NAV2: variants seen among roughly 807,000 people sequenced by gnomAD.
The protein encoded by NAV2 is helicase, APC down-regulated 1.
NAV2 carries 54 observed loss-of-function variants against 223.2 expected under a neutral mutation model. The ratio of observed to expected loss-of-function variants is 0.24; its 90% CI spans 0.19 to 0.30. The LOEUF (loss-of-function observed/expected upper bound fraction) is 0.30, where lower values mean the gene tolerates loss of function less well. Ranked by LOEUF, NAV2 falls within the 10% of genes least tolerant of loss-of-function variation. The probability of loss-of-function intolerance (pLI) is 1.00; values close to 1 mark genes in which losing one functional copy is unlikely to be tolerated. For missense variants in NAV2, 2,806 were observed against 3,147.5 expected (o/e 0.89, Z 2.60); for synonymous variants, 1,279 against 1,239.3 (o/e 1.03, Z -0.67).
upstream of NAV2, among the ~76,000 whole-genome samples, chr11:19,710,465 G>A (rs1338895474): frequency 6.6e-6 from 1 of 152,216 alleles, no homozygotes; most frequent in Non-Finnish European, 1.5e-5. Context: ...ATTCATTAGG[G>A]CAGAATATCT....
chr11:20,092,432 G>A (rs2060915853), intron 28 of NAV2, 64 bp downstream of exon 28: 17 of 1,525,392 alleles, frequency 1.1e-5, no homozygotes, highest in South Asian at 3.6e-5. Context: ...ATCTCTAAGC[G>A]AGAACCCCAA....
intron 1 of NAV2, among the ~76,000 whole-genome samples, chr11:19,732,874 T>C (rs1356136178): frequency 1.3e-5 from 2 of 152,266 alleles, no homozygotes; most frequent in East Asian, 3.8e-4. Flanking sequence ...ACACCAACTA[T>C]TCTTCCTTTG....
chr11:20,094,191 A>T (rs1029172063), intron 29 of NAV2, among the ~76,000 whole-genome samples: 1 of 146,106 alleles, frequency 6.8e-6, no homozygotes, highest in Admixed American at 6.8e-5. Flanking sequence ...ATGGACTGTT[A>T]GGGGAAACTC....
At chr11:20,070,433 C>G (rs1033681171) in intron 22 of NAV2, among the ~76,000 whole-genome samples, 1 of 152,170 alleles carries the variant, frequency 6.6e-6, no homozygotes, top group African/African-American at 2.4e-5. Flanking sequence ...CCAGTGACCT[C>G]GTGCTGCCAC....
intron 1 of NAV2, among the ~76,000 whole-genome samples, chr11:19,527,875 C>G (rs960205466): frequency 6.6e-6 from 1 of 151,672 alleles, no homozygotes; most frequent in Non-Finnish European, 1.5e-5. Flanking sequence ...TACAGACCTC[C>G]CTGCCACTTC....
intron 3 of NAV2, among the ~76,000 whole-genome samples, chr11:19,845,303 T>C (rs1351517689): frequency 1.3e-5 from 2 of 152,204 alleles, no homozygotes; most frequent in Non-Finnish European, 2.9e-5. Context: ...TGGCCAATAA[T>C]AAACATTTGT....
At chr11:20,101,779 C>T (rs2061660564) in intron 32 of NAV2, among the ~76,000 whole-genome samples, 1 of 152,174 alleles carries the variant, frequency 6.6e-6, no homozygotes, top group Admixed American at 6.5e-5. Flanking sequence ...CGGTGAGCAA[C>T]GGAAACCTGT....
At position 19,868,982 on chromosome 11, in the gene NAV2, G is replaced by C. The variant is rs1291993838; in HGVS notation, c.496G>C (p.Gly166Arg). 11 of 1,613,768 alleles carry C rather than the reference G, an allele frequency of 6.8e-6. No homozygotes were observed. In the Admixed American group the frequency reaches 1.8e-4, roughly 27 times the overall value. The change falls in exon 4 of 38, where the codon GGG becomes CGG. Residue 166 changes from glycine to arginine, a missense_variant. Gly to Arg is a moderately radical substitution (Grantham distance 125). Coordinates refer to ENST00000349880, the MANE Select transcript of NAV2 (RefSeq NM_145117.5). The part of the protein sequence containing the change: ...FLAAKGINIQ[G>R]LSAEEIRNGN... Reference sequence around the variant, plus strand: ...GGCAGCTAAGGGAATAAACATCCAGGGGCTGTCTGCAGAAGGTGAGTCAGA... The same window carrying C: ...GGCAGCTAAGGGAATAAACATCCAGCGGCTGTCTGCAGAAGGTGAGTCAGA...
At chr11:19,390,699 G>C (rs1849213967) in intron 1 of NAV2, among the ~76,000 whole-genome samples, 1 of 152,158 alleles carries the variant, frequency 6.6e-6, no homozygotes, top group Non-Finnish European at 1.5e-5. Context: ...AAGTGGTGAA[G>C]GGGAGGGGAG....
At chr11:19,355,702 G>C (rs1343049691) in intron 1 of NAV2, among the ~76,000 whole-genome samples, 1 of 152,114 alleles carries the variant, frequency 6.6e-6, no homozygotes, top group African/African-American at 2.4e-5. Flanking sequence ...TGGCTCCCTT[G>C]TTTCCATTTC....
chr11:19,600,407 A>T (rs949047774), intron 1 of NAV2, among the ~76,000 whole-genome samples: 19 of 152,338 alleles, frequency 1.2e-4, no homozygotes, highest in African/African-American at 4.6e-4. Context: ...AAAGCAACCA[A>T]CTGCTCTAAC....
In NAV2 at chr11:19,586,265, T is replaced by C. The variant is rs899260844; in HGVS notation, c.75+235238T>C. Among the ~76,000 whole-genome samples the C allele has an allele frequency of 8.9e-4, 135 of 152,176 alleles. 1 individual carries two copies. The highest frequency in any genetic ancestry group is 1.2e-4 in the Non-Finnish European group (8 of 68,028). ...AAGGACTTTTCTGCATTGGTTATTC[T>C]AGTTAGCCATTTTTCTAATTTTTTT... On this transcript the variant is annotated intron_variant, in intron 1 of 37. Transcript: ENST00000360655.
At chr11:20,000,236 A>G (rs1369195974) in intron 11 of NAV2, among the ~76,000 whole-genome samples, 1 of 152,250 alleles carries the variant, frequency 6.6e-6, no homozygotes, top group Non-Finnish European at 1.5e-5. Context: ...ACCGTGTAAC[A>G]ACATCAGAGG....
intron 1 of NAV2, among the ~76,000 whole-genome samples, chr11:19,554,773 C>G (rs991848415): frequency 6.6e-6 from 1 of 151,966 alleles, no homozygotes; most frequent in Non-Finnish European, 1.5e-5. Flanking sequence ...TCGAGACCAG[C>G]CTGACCAACA....
At chr11:19,633,387 G>A (rs2047398988) in intron 1 of NAV2, among the ~76,000 whole-genome samples, 1 of 152,256 alleles carries the variant, frequency 6.6e-6, no homozygotes, top group Non-Finnish European at 1.5e-5. Context: ...TGCCAACAGG[G>A]CTAAGAGGTA....
chr11:19,586,912 C>T (rs1034073216), intron 1 of NAV2, among the ~76,000 whole-genome samples: 5 of 152,240 alleles, frequency 3.3e-5, no homozygotes, highest in Non-Finnish European at 7.3e-5. Flanking sequence ...AGCTGTCAGT[C>T]GGGGACATTT....
chr11:19,475,156 C>T (rs1368894202), intron 1 of NAV2, among the ~76,000 whole-genome samples: 3 of 152,214 alleles, frequency 2.0e-5, no homozygotes, highest in Non-Finnish European at 4.4e-5. Context: ...CAGATGATTC[C>T]GGACCATTCC....
rs539177130 is a variant in NAV2, at chr11:19,882,684, C to A, written c.770+2557C>A. 1.8e-4 allele frequency among the ~76,000 whole-genome samples: 28 copies of A among 152,310 alleles called. No homozygotes were observed. In the East Asian group the frequency reaches 4.2e-3, roughly 23 times the overall value. On this transcript the variant is annotated intron_variant, in intron 5 of 37. Transcript: ENST00000349880. ...CCATCTCCCAGTAAGCCAAAACATC[C>A]TACTACTAACGAGTGCTTTACCTAA...
intron 11 of NAV2, among the ~76,000 whole-genome samples, chr11:20,000,946 A>G (rs1472829749): frequency 2.0e-5 from 3 of 152,068 alleles, no homozygotes; most frequent in East Asian, 3.9e-4. Flanking sequence ...AGCCACAGTG[A>G]TCCTCCTGAA....
Sources: gnomAD v4.1 joint callset for allele counts (sites outside exome capture counted in the v4.1 genomes callset) on GRCh38, gnomAD v4.1.1 for gene constraint, MANE v1.5 for transcripts, NCBI Gene and HGNC (gene_info 2026-07-23, HGNC 2026-07-21) for gene names.